The following PTPRT variants were observed in gnomAD, a reference collection of about 807,000 sequenced individuals.
PTPRT encodes the protein receptor-type tyrosine-protein phosphatase T.
In PTPRT, 56 loss-of-function variants were observed where a neutral mutation model predicts 176.8. The ratio of observed to expected loss-of-function variants is 0.32; its 90% CI spans 0.26 to 0.40. The LOEUF is 0.40. PTPRT is among the 10% of genes least tolerant of loss of function. PTPRT has a pLI of 1.00. For synonymous variants in PTPRT, 783 were observed against 739.0 expected (o/e 1.06, Z -0.96); for missense variants, 1,540 against 1,908.2 (o/e 0.81, Z 3.60).
chr20:43,043,381 A>G (rs1425156244), intron 1 of PTPRT, among the ~76,000 whole-genome samples: 2 of 152,196 alleles, frequency 1.3e-5, no homozygotes, highest in Non-Finnish European at 2.9e-5. Flanking sequence ...GTGAGGAATT[A>G]GGGCAAGAAG....
intron 16 of PTPRT, among the ~76,000 whole-genome samples, chr20:42,174,897 T>C (rs1990225783): frequency 6.6e-6 from 1 of 152,210 alleles, no homozygotes; most frequent in Non-Finnish European, 1.5e-5. Context: ...AATCAAGCAC[T>C]GATTTATAAT....
chr20:42,171,604 G>A (rs909809149), intron 16 of PTPRT, among the ~76,000 whole-genome samples: 2 of 152,116 alleles, frequency 1.3e-5, no homozygotes, highest in African/African-American at 4.8e-5. Context: ...GTGTGCATGT[G>A]TGCGTGTGTG....
chr20:42,954,332 TG>T (rs1981480064), intron 1 of PTPRT, among the ~76,000 whole-genome samples: 2 of 152,136 alleles, frequency 1.3e-5, no homozygotes, highest in Non-Finnish European at 2.9e-5. Context: ...ATAAGGCTCT[TG>T]TTTGGTGAGC....
chr20:42,327,117 CAG>C (rs1168405167), intron 11 of PTPRT, among the ~76,000 whole-genome samples: 2 of 136,542 alleles, frequency 1.5e-5, no homozygotes, highest in African/African-American at 5.6e-5. Context: ...GTGTGTATGA[CAG>C]AGAGAGAGAA....
intron 16 of PTPRT, among the ~76,000 whole-genome samples, chr20:42,175,310 G>A (rs1177287867): frequency 6.6e-6 from 1 of 151,916 alleles, no homozygotes; most frequent in African/African-American, 2.4e-5. Flanking sequence ...TCCCCTCTAG[G>A]CTGCAGCCAC....
chr20:42,755,638 T>C lies in PTPRT; in HGVS notation c.859+824A>G, dbSNP rs553078808. Among the ~76,000 whole-genome samples the C allele has an allele frequency of 2.3e-3, 357 of 152,274 alleles. 1 individual carries two copies. Among genetic ancestry groups the C allele is most frequent in the Non-Finnish European group, 3.8e-3 (260 of 68,028 alleles). On this transcript the variant is annotated intron_variant, in intron 6 of 30. Coordinates refer to ENST00000373187, the MANE Select transcript of PTPRT (RefSeq NM_007050.6). ...AAATCCATAAAGATGCTCATATTCT[T>C]GGCCTCCCAACTCTACCCCCAGGGA... is the stretch of plus-strand genomic sequence containing the variant.
rs145171526 is a variant in PTPRT, at chr20:42,248,374, C to T, written c.2312+313G>A. Among the ~76,000 whole-genome samples, 820 of 152,274 alleles carry T rather than the reference C, an allele frequency of 5.4e-3. 8 individuals carry two copies. The highest frequency in any genetic ancestry group is 0.019 in the African/African-American group (778 of 41,534). ...GCTATCTTGATGACATGATTGATAA[C>T]AACACAGCAGTTAACTCCTATAAGA... On this transcript the variant is annotated intron_variant, in intron 14 of 30. Coordinates refer to ENST00000373187, the MANE Select transcript of PTPRT (RefSeq NM_007050.6).
At chr20:43,044,206 C>A (rs1986743994) in intron 1 of PTPRT, among the ~76,000 whole-genome samples, 1 of 152,056 alleles carries the variant, frequency 6.6e-6, no homozygotes, top group Non-Finnish European at 1.5e-5. Context: ...CCAGGAAGCC[C>A]AGCAGAAGGG....
intron 9 of PTPRT, among the ~76,000 whole-genome samples, chr20:42,440,700 A>C (rs531412796): frequency 1.3e-5 from 2 of 152,026 alleles, no homozygotes; most frequent in South Asian, 2.1e-4. Context: ...GATGGTCTCG[A>C]TCTCCTGACC....
At chr20:42,405,308 C>T (rs2058950541) in intron 9 of PTPRT, among the ~76,000 whole-genome samples, 1 of 151,648 alleles carries the variant, frequency 6.6e-6, no homozygotes, top group Non-Finnish European at 1.5e-5. Context: ...TGGTCATTTA[C>T]ATTATGTATA....
chr20:42,544,057 A>C (rs1159269949), intron 7 of PTPRT, among the ~76,000 whole-genome samples: 1 of 152,112 alleles, frequency 6.6e-6, no homozygotes, highest in Non-Finnish European at 1.5e-5. Flanking sequence ...GGAATGGTAA[A>C]TAAGCACAGT....
At chr20:42,450,997 T>A (rs951336200) in intron 8 of PTPRT, among the ~76,000 whole-genome samples, 3 of 152,204 alleles carry the variant, frequency 2.0e-5, no homozygotes, top group African/African-American at 7.2e-5. Flanking sequence ...TAGAGTTGCT[T>A]GATAAGTAGA....
At chr20:42,622,565 T>A in intron 7 of PTPRT, among the ~76,000 whole-genome samples, 1 of 152,154 alleles carries the variant, frequency 6.6e-6, no homozygotes, top group East Asian at 1.9e-4. Context: ...GGGAGGCATT[T>A]ACATTAAATT....
chr20:42,791,734 T>C (rs1298519007), intron 2 of PTPRT, among the ~76,000 whole-genome samples: 3 of 152,276 alleles, frequency 2.0e-5, no homozygotes, highest in East Asian at 3.8e-4. Context: ...AACGTGCTAC[T>C]ATTGCTATTT....
intron 2 of PTPRT, among the ~76,000 whole-genome samples, chr20:42,793,702 A>G (rs1199846684): frequency 6.6e-6 from 1 of 152,174 alleles, no homozygotes; most frequent in Non-Finnish European, 1.5e-5. Context: ...GGCAGCTAAA[A>G]AGGAGCAATT....
At chr20:42,755,383 GT>G (rs985635055) in intron 6 of PTPRT, among the ~76,000 whole-genome samples, 10 of 151,994 alleles carry the variant, frequency 6.6e-5, no homozygotes, top group Middle Eastern at 6.8e-3. Context: ...GATCAGTGGG[GT>G]TTTTTTTGTT....
chr20:43,047,408 T>G (rs1986880919), intron 1 of PTPRT, among the ~76,000 whole-genome samples: 1 of 152,162 alleles, frequency 6.6e-6, no homozygotes, highest in African/African-American at 2.4e-5. Context: ...ATTAGCTTAT[T>G]GGGCAAAGTG....
At chr20:43,042,010 T>C (rs1986627665) in intron 1 of PTPRT, among the ~76,000 whole-genome samples, 1 of 152,226 alleles carries the variant, frequency 6.6e-6, no homozygotes, top group South Asian at 2.1e-4. Flanking sequence ...AGGACTGACA[T>C]GTACCAGAAT....
At chr20:42,859,662 C>T (rs1031655860) in intron 2 of PTPRT, among the ~76,000 whole-genome samples, 7 of 148,368 alleles carry the variant, frequency 4.7e-5, no homozygotes, top group African/African-American at 1.5e-4. Context: ...TGGCTCACTG[C>T]AAGCTCCGCC....
Sources: allele counts gnomAD v4.1 joint callset (sites outside exome capture counted in the v4.1 genomes callset), GRCh38; gene constraint gnomAD v4.1.1; transcripts MANE v1.5; gene names NCBI Gene and HGNC (gene_info 2026-07-23, HGNC 2026-07-21).